The following QRICH2 variants were observed in gnomAD, a reference collection of about 807,000 sequenced individuals.
QRICH2 encodes glutamine rich 2.
Under a neutral mutation model 168.3 loss-of-function variants are expected in QRICH2, and 119 were observed. The ratio of observed to expected loss-of-function variants is 0.71; its 90% CI spans 0.61 to 0.82. The LOEUF (loss-of-function observed/expected upper bound fraction) is 0.82. Among genes scored for constraint, QRICH2 ranks in the 40% least tolerant of loss-of-function variants. The pLI, the probability that QRICH2 is intolerant of heterozygous loss-of-function variation, is 0.00. For synonymous variants in QRICH2, 894 were observed against 951.2 expected, an observed-to-expected ratio of 0.94 and a Z score of 1.11; for missense variants, 2,241 against 2,491.6, an observed-to-expected ratio of 0.90 and a Z score of 2.14.
chr17:76,286,123 C>T lies in QRICH2; in HGVS notation c.4011+1069G>A, dbSNP rs539064637. Among the ~76,000 whole-genome samples the T allele has an allele frequency of 2.6e-5, 4 of 151,676 alleles. No homozygotes were observed. The South Asian group carries it at 6.2e-4, about 24-fold the overall frequency. On this transcript the variant is annotated intron_variant, in intron 7 of 18. Transcript: ENST00000680821. ...CCGGGAGGCAGAGCTTGCAGTGAGC[C>T]GAGATCGTGCCACTGCACTCCAGCC...
At chr17:76,306,490 G>A (rs2070993110) in intron 1 of QRICH2, among the ~76,000 whole-genome samples, 2 of 152,148 alleles carry the variant, frequency 1.3e-5, no homozygotes, top group Admixed American at 6.5e-5. Flanking sequence ...AGACATGCAC[G>A]TGTCTATTAC....
chr17:76,289,872 AACC>A (rs2070955826), intron 5 of QRICH2, 117 bp downstream of exon 5: 2 of 619,842 alleles, frequency 3.2e-6, no homozygotes, highest in Non-Finnish European at 5.8e-6. Flanking sequence ...GAATCGCTTG[AACC>A]TGGGAGGTGG....
At chr17:76,297,123 C>A (rs1184286268) in intron 3 of QRICH2, among the ~76,000 whole-genome samples, 3 of 152,336 alleles carry the variant, frequency 2.0e-5, no homozygotes, top group Non-Finnish European at 2.9e-5. Context: ...CCTAACAAAT[C>A]ATAAAATCAT....
intron 16 of QRICH2, 27 bp from the exon 17 acceptor site, chr17:76,276,794 C>T (rs1173927424): frequency 1.3e-6 from 2 of 1,569,442 alleles, no homozygotes; most frequent in East Asian, 2.2e-5. Context: ...ATACCGTCGC[C>T]ACTGTAGCAG....
In QRICH2 at chr17:76,274,136, A is replaced by G. The variant is rs769473859; in HGVS notation, c.5607T>C (p.Pro1869=). Residue 1869 remains proline, a synonymous_variant, in exon 19 of 19, where the codon CCT becomes CCC. Coordinates refer to ENST00000680821, the MANE Select transcript of QRICH2 (RefSeq NM_001388453.1). Reference sequence around the variant, plus strand: ...TGGGCTCCTCGAGCCCCTCCCCAGGAGGCATGTCCACGTGCCTCTCCAGCC... The same window carrying G: ...TGGGCTCCTCGAGCCCCTCCCCAGGGGGCATGTCCACGTGCCTCTCCAGCC... ...NRGLERHVDM[P]PGEGLEEPTR... 1.3e-6 allele frequency: 2 copies of G among 1,590,858 alleles called. No individual in the cohort carries two copies. The highest frequency in any genetic ancestry group is 1.7e-6 in the Non-Finnish European group (2 of 1,171,906).
chr17:76,287,043 AACACACACACACACACACACACAC>A (rs56258903), intron 7 of QRICH2, 125 bp downstream of exon 7: 1 of 189,418 alleles, frequency 5.3e-6, no homozygotes, highest in Non-Finnish European at 9.8e-6. Flanking sequence ...CACACCACAT[AACACACACACACACACACACACAC>A]ACACACACAC....
intron 7 of QRICH2, among the ~76,000 whole-genome samples, chr17:76,284,168 C>CAAAAAAAAAAAAAAAAAAAAAAAAAAA (rs61553346): frequency 4.8e-5 from 3 of 62,746 alleles, no homozygotes; most frequent in Admixed American, 1.8e-4. Context: ...ACTCTGTCTC[C>CAAAAAAAAAAAAAAAAAAAAAAAAAAA]AAAAAAAAAA....
Position 76,284,367 on chromosome 17 carries a change from T to C in QRICH2, c.4012-2252A>G, listed in dbSNP as rs1477780297. Reference sequence around the variant, plus strand: ...AGACACTGTCAAGAAAATGAAAAGATGACCCACAGAATGGGAGAAAATATT... The same window carrying C: ...AGACACTGTCAAGAAAATGAAAAGACGACCCACAGAATGGGAGAAAATATT... On this transcript the variant is annotated intron_variant, in intron 7 of 18. Transcript: ENST00000680821. Among the ~76,000 whole-genome samples the C allele has an allele frequency of 4.9e-5, 7 of 141,926 alleles. 3 individuals are homozygous for C. Among genetic ancestry groups the C allele is most frequent in the African/African-American group, 2.2e-4 (7 of 32,178 alleles). 93.1% of individuals were successfully genotyped at this position (141,926 alleles called of 152,430 possible).
intron 3 of QRICH2, among the ~76,000 whole-genome samples, chr17:76,297,182 G>T (rs1191756575): frequency 2.6e-5 from 4 of 152,166 alleles, no homozygotes; most frequent in Admixed American, 2.0e-4. Context: ...GCTGTGTCCT[G>T]GGGGAAACAG....
Position 76,281,729 on chromosome 17 carries a change from G to T in QRICH2, c.4263+135C>A. 9.2e-7 allele frequency: 1 copy of T among 1,090,874 alleles called. No individual in the cohort carries two copies. The highest frequency in any genetic ancestry group is 1.3e-6 in the Non-Finnish European group (1 of 750,438). 67.6% of individuals were successfully genotyped at this position (1,090,874 alleles called of 1,614,324 possible). A position where few individuals can be genotyped will look rare whatever the true frequency, so the allele number is the denominator to read the frequency against. ...AGACCAGGGACTCTTGTGGGATCTG[G>T]CTAAAGGGCTCCGCCACGGAGAGCT... On this transcript the variant is annotated intron_variant, in intron 8 of 18. Transcript: ENST00000680821. The surrounding 1 kb of genome is among the most constrained non-coding windows in gnomAD (Gnocchi z 4.4).
rs2070772762 is a variant in QRICH2 at position 76,280,753 on chromosome 17, A to T, written c.4387-25T>A. ...TCTGGGGAGGCCAAGTGAACAGAGA[A>T]AAAAAGAGCCAGCAGCTGCGGGGCT... is the stretch of plus-strand genomic sequence containing the variant. On this transcript the variant is annotated intron_variant, in intron 9 of 18. Coordinates refer to ENST00000680821, the MANE Select transcript of QRICH2 (RefSeq NM_001388453.1). The surrounding 1 kb of genome is among the most constrained non-coding windows in gnomAD (Gnocchi z 7.4). 6.2e-7 allele frequency: 1 copy of T among 1,614,138 alleles called. No homozygotes were observed. Among genetic ancestry groups the T allele is most frequent in the East Asian group, 2.2e-5 (1 of 44,884 alleles).
At chr17:76,309,690 G>A (rs1470117157), upstream of QRICH2, 1 of 152,188 alleles carries the variant, frequency 6.6e-6, no homozygotes, top group South Asian at 2.1e-4. Context: ...CATCTACACA[G>A]GATATTGCAG....
At chr17:76,274,336 C>A (rs2070633684) in intron 18 of QRICH2, 76 bp from the exon 19 acceptor site, 24 of 1,460,394 alleles carry the variant, frequency 1.6e-5, no homozygotes, top group Non-Finnish European at 2.2e-5. Flanking sequence ...TGCCCAATGC[C>A]CAGGGAGGTT....
In QRICH2 at chr17:76,294,020, C is replaced by T; in HGVS notation, c.707G>A (p.Gly236Asp). The change falls in exon 4 of 19, where the codon GGC becomes GAC. Residue 236 changes from glycine (G) to aspartate (D), a missense_variant and splice_region_variant. Physicochemically the swap from Gly to Asp is moderately conservative, Grantham distance 94 (BLOSUM62 -1). Transcript: ENST00000680821. ...AGAAAATCCCATAAGTGTTTCTGAG[C>T]CCTGGTTGGAGAGGAAGAAGGAAAT... Reference protein sequence around the residue: ...ITDGWRASQAGSETLMGFSKH... With the variant: ...ITDGWRASQADSETLMGFSKH... 1 of 1,591,596 alleles carries T rather than the reference C, an allele frequency of 6.3e-7. No homozygotes were observed. Among genetic ancestry groups the T allele is most frequent in the South Asian group, 1.1e-5 (1 of 89,136 alleles).
At position 76,280,577 on chromosome 17, in the gene QRICH2, C is replaced by T. The variant is rs1167130544; in HGVS notation, c.4461+77G>A. On this transcript the variant is annotated intron_variant, in intron 10 of 18. Transcript: ENST00000680821. The surrounding 1 kb of genome is among the most constrained non-coding windows in gnomAD (Gnocchi z 7.4). The stretch of plus-strand genomic sequence containing the variant: ...AGCCCACACTCGTCTCGCCAGCTCC[C>T]CTCCACTCAGTCTCTCAAAGAACAG... 1.3e-6 allele frequency: 2 copies of T among 1,599,930 alleles called. No homozygotes were observed. Among genetic ancestry groups the T allele is most frequent in the African/African-American group, 1.3e-5 (1 of 74,782 alleles).
intron 3 of QRICH2, 127 bp downstream of exon 3, chr17:76,304,288 A>G (rs1427140758): frequency 1.6e-6 from 1 of 620,108 alleles, no homozygotes; most frequent in Non-Finnish European, 2.9e-6. Context: ...AAAGCATTTA[A>G]AACACCCATA....
rs2070700439 is a variant in QRICH2, at chr17:76,277,313, GTGA to G, written c.5118-6_5118-4del. ...TGTAATCAGCCATATCTGTCACCCT[GTGA>G]TGAAGACAGGATGGAGTCATTGGGA... On this transcript the variant is annotated splice_polypyrimidine_tract_variant and splice_region_variant and intron_variant, in intron 15 of 18. Transcript: ENST00000680821. 6.2e-7 allele frequency: 1 copy of G among 1,609,596 alleles called. No homozygotes were observed. Among genetic ancestry groups the G allele is most frequent in the Non-Finnish European group, 8.5e-7 (1 of 1,178,624 alleles).
chr17:76,285,602 A>G (rs539834671), intron 7 of QRICH2, among the ~76,000 whole-genome samples: 1 of 151,210 alleles, frequency 6.6e-6, no homozygotes, highest in East Asian at 2.0e-4. Context: ...CCAGGCCAGT[A>G]CTTTGGGAGA....
chr17:76,286,994 C>G (rs2070895940), intron 7 of QRICH2, among the ~76,000 whole-genome samples, 198 bp downstream of exon 7: 1 of 150,586 alleles, frequency 6.6e-6, no homozygotes, highest in Non-Finnish European at 1.5e-5. Flanking sequence ...GAATCTGGAT[C>G]CTGGACACAT....
Sources: allele counts gnomAD v4.1 joint callset (sites outside exome capture counted in the v4.1 genomes callset), GRCh38; gene constraint gnomAD v4.1.1; non-coding constraint Gnocchi (gnomAD v3.1); transcripts MANE v1.5; gene names NCBI Gene and HGNC (gene_info 2026-07-23, HGNC 2026-07-21).